The following PRKG1 variants were observed in gnomAD, a reference collection of about 807,000 sequenced individuals.
The protein encoded by PRKG1 is protein kinase cGMP-dependent 1, also known as cGMP-dependent protein kinase 1.
PRKG1 carries 35 observed loss-of-function variants against 88.1 expected under a neutral mutation model. The ratio of observed to expected loss-of-function variants is 0.40; its 90% CI spans 0.30 to 0.53. The LOEUF (loss-of-function observed/expected upper bound fraction) is 0.53, where lower values mean the gene tolerates loss of function less well. PRKG1 is among the 20% of genes least tolerant of loss of function. The probability of loss-of-function intolerance (pLI) is 0.59; values close to 1 mark genes in which losing one functional copy is unlikely to be tolerated. For synonymous variants in PRKG1, 303 were observed against 292.5 expected (o/e 1.04, Z -0.37); for missense variants, 540 against 839.8 (o/e 0.64, Z 4.41).
chr10:51,601,721 A>ATTTTTTTTTTTTTT (rs749205610), intron 3 of PRKG1, among the ~76,000 whole-genome samples: 16 of 43,574 alleles, frequency 3.7e-4, no homozygotes, highest in Non-Finnish European at 4.5e-4. Context: ...GGCAGATTGA[A>ATTTTTTTTTTTTTT]TTTTTTTTTT....
chr10:51,728,641 G>A (rs1431916975), intron 3 of PRKG1, among the ~76,000 whole-genome samples: 6 of 151,846 alleles, frequency 4.0e-5, no homozygotes, highest in South Asian at 2.1e-4. Flanking sequence ...CTAGTGCCTG[G>A]CACATAAAAA....
intron 2 of PRKG1, among the ~76,000 whole-genome samples, chr10:51,405,836 G>A (rs921371364): frequency 3.3e-5 from 5 of 152,170 alleles, no homozygotes; most frequent in Non-Finnish European, 1.5e-5. Context: ...ATCTGCATAA[G>A]CCGTAGGGAG....
chr10:51,907,063 G>A (rs958146932), intron 4 of PRKG1, among the ~76,000 whole-genome samples: 1 of 152,076 alleles, frequency 6.6e-6, no homozygotes, highest in African/African-American at 2.4e-5. Context: ...AAGGCAGGAG[G>A]GTATAATGAG....
chr10:52,175,999 T>C (rs756592699), intron 9 of PRKG1, among the ~76,000 whole-genome samples: 2 of 152,214 alleles, frequency 1.3e-5, no homozygotes, highest in East Asian at 3.9e-4. Flanking sequence ...TTCAGACTGA[T>C]ATAAGTTTAT....
At chr10:52,044,234 A>G (rs1845814873) in intron 5 of PRKG1, among the ~76,000 whole-genome samples, 1 of 152,140 alleles carries the variant, frequency 6.6e-6, no homozygotes, top group African/African-American at 2.4e-5. Context: ...GTACTTGGAT[A>G]TACCAAAATG....
intron 2 of PRKG1, among the ~76,000 whole-genome samples, chr10:51,445,575 A>C (rs1412443401): frequency 6.6e-6 from 1 of 151,992 alleles, no homozygotes; most frequent in African/African-American, 2.4e-5. Flanking sequence ...TTTAGTCACA[A>C]GGGACACCTC....
chr10:51,407,642 AG>A (rs1271899272), intron 2 of PRKG1, among the ~76,000 whole-genome samples: 1 of 152,132 alleles, frequency 6.6e-6, no homozygotes, highest in Non-Finnish European at 1.5e-5. Context: ...GCACCTCAAC[AG>A]GTTGTGTTTT....
intron 1 of PRKG1, among the ~76,000 whole-genome samples, chr10:51,051,658 T>G (rs1214111153): frequency 2.0e-5 from 3 of 152,158 alleles, no homozygotes; most frequent in Admixed American, 6.5e-5. Flanking sequence ...TTAAAAATAT[T>G]GTTCATGGTT....
chr10:51,953,860 T>A (rs535945551), intron 5 of PRKG1, among the ~76,000 whole-genome samples: 1 of 152,300 alleles, frequency 6.6e-6, no homozygotes, highest in South Asian at 2.1e-4. Flanking sequence ...TACTACAGGC[T>A]TTCTTGGTTG....
At chr10:51,877,731 G>T (rs1039723529) in intron 4 of PRKG1, among the ~76,000 whole-genome samples, 7 of 152,262 alleles carry the variant, frequency 4.6e-5, no homozygotes, top group Admixed American at 2.6e-4. Flanking sequence ...TCTTCTGAAA[G>T]ATTTTTGCCC....
chr10:51,963,259 T>C (rs1186154707), intron 5 of PRKG1, among the ~76,000 whole-genome samples: 1 of 152,164 alleles, frequency 6.6e-6, no homozygotes, highest in Non-Finnish European at 1.5e-5. Flanking sequence ...TGCTGAAGAT[T>C]CAAAAATAGG....
intron 3 of PRKG1, chr10:51,697,808 A>G: frequency 6.2e-7 from 1 of 1,614,168 alleles, no homozygotes; most frequent in Non-Finnish European, 8.5e-7. Flanking sequence ...AAGAACCTGC[A>G]TGATCAAAGC....
intron 9 of PRKG1, among the ~76,000 whole-genome samples, chr10:52,163,326 T>C (rs960506760): frequency 1.1e-4 from 16 of 148,626 alleles, no homozygotes; most frequent in Non-Finnish European, 1.6e-4. Flanking sequence ...TGTAATTTTA[T>C]ATGTATTACA....
chr10:51,483,993 G>T (rs991999747), intron 3 of PRKG1, among the ~76,000 whole-genome samples: 2 of 152,194 alleles, frequency 1.3e-5, no homozygotes, highest in Non-Finnish European at 2.9e-5. Flanking sequence ...TGGAGGAGGA[G>T]TAGCTGTGAA....
In PRKG1 at chr10:51,948,526, G is replaced by C. The variant is rs943605429; in HGVS notation, c.762+40956G>C. On this transcript the variant is annotated intron_variant, in intron 5 of 17. Coordinates refer to ENST00000373980, the MANE Select transcript of PRKG1 (RefSeq NM_006258.4). ...TTTCATGAAACTTGTGTGTGTCTCTGTGTGTGTGTGTGTGTGTGTGTGCGT... is the reference window on the plus strand; with the variant it reads ...TTTCATGAAACTTGTGTGTGTCTCTCTGTGTGTGTGTGTGTGTGTGTGCGT... 3.3e-4 allele frequency among the ~76,000 whole-genome samples: 12 copies of C among 36,146 alleles called. No homozygotes were observed. The South Asian group carries it at 9.0e-3, about 27-fold the overall frequency. 23.7% of individuals were successfully genotyped at this position (36,146 alleles called of 152,430 possible). A position where few individuals can be genotyped will look rare whatever the true frequency, so the allele number is the denominator to read the frequency against.
intron 2 of PRKG1, among the ~76,000 whole-genome samples, chr10:51,305,109 T>A (rs1199705635): frequency 1.3e-5 from 2 of 151,866 alleles, no homozygotes; most frequent in Non-Finnish European, 2.9e-5. Context: ...GGGGATGGAG[T>A]GAGTCACAGG....
At chr10:51,224,145 C>T (rs568987171) in intron 2 of PRKG1, among the ~76,000 whole-genome samples, 2 of 152,296 alleles carry the variant, frequency 1.3e-5, no homozygotes, top group East Asian at 3.9e-4. Context: ...GTAAGCCTGC[C>T]ATTGCCTTCA....
intron 2 of PRKG1, among the ~76,000 whole-genome samples, chr10:51,442,322 A>G (rs1334812182): frequency 6.6e-6 from 1 of 151,976 alleles, no homozygotes; most frequent in African/African-American, 2.4e-5. Context: ...TTTAAAGCAA[A>G]TCAAATTCTA....
intron 2 of PRKG1, among the ~76,000 whole-genome samples, chr10:51,155,366 ATAT>A (rs1409161297): frequency 2.6e-5 from 4 of 152,160 alleles, no homozygotes; most frequent in Non-Finnish European, 5.9e-5. Context: ...CTTTTTCTAA[ATAT>A]TGTTTACATA....
Sources: allele counts gnomAD v4.1 joint callset (sites outside exome capture counted in the v4.1 genomes callset), GRCh38; gene constraint gnomAD v4.1.1; transcripts MANE v1.5; gene names NCBI Gene and HGNC (gene_info 2026-07-23, HGNC 2026-07-21).